PHACTR4: variants seen among roughly 807,000 people sequenced by gnomAD.
PHACTR4 encodes the protein phosphatase and actin regulator 4.
Under a neutral mutation model 72.7 loss-of-function variants are expected in PHACTR4, and 51 were observed. That is an observed-to-expected ratio of 0.70 (90% CI 0.56 to 0.89). PHACTR4 has a LOEUF of 0.89. PHACTR4 is among the 40% of genes least tolerant of loss of function. PHACTR4 has a pLI of 0.00. For missense variants in PHACTR4, 731 were observed against 861.8 expected, an observed-to-expected ratio of 0.85 and a Z score of 1.90; for synonymous variants, 255 against 302.5, an observed-to-expected ratio of 0.84 and a Z score of 1.63.
At chr1:28,440,391 A>ATTTTTTTTTTTTTTTTTTTTTTTTTT (rs1414224976) in intron 2 of PHACTR4, among the ~76,000 whole-genome samples, 1 of 89,966 alleles carries the variant, frequency 1.1e-5, no homozygotes, top group Non-Finnish European at 2.2e-5. Context: ...AAATTCATCA[A>ATTTTTTTTTTTTTTTTTTTTTTTTTT]TTCTTTTTTT....
At chr1:28,442,251 G>A (rs1487517158) in intron 2 of PHACTR4, among the ~76,000 whole-genome samples, 1 of 151,946 alleles carries the variant, frequency 6.6e-6, no homozygotes, top group Non-Finnish European at 1.5e-5. Context: ...TGAATCACGA[G>A]GTCAGGAGAT....
chr1:28,465,547 T>C, intron 4 of PHACTR4, 138 bp from the exon 5 acceptor site: 1 of 846,580 alleles, frequency 1.2e-6, no homozygotes, highest in Non-Finnish European at 1.8e-6. Flanking sequence ...GCCCAGGAGT[T>C]CAAGACCAGC....
At position 28,474,273 on chromosome 1, in the gene PHACTR4, A is replaced by G. The variant is rs899146844; in HGVS notation, c.1421+122A>G. 4 of 931,446 alleles carry G rather than the reference A, an allele frequency of 4.3e-6. No individual in the cohort carries two copies. The East Asian group carries it at 9.7e-5, about 23-fold the overall frequency. 57.7% of individuals were successfully genotyped at this position (931,446 alleles called of 1,614,324 possible). A position where few individuals can be genotyped will look rare whatever the true frequency, so the allele number is the denominator to read the frequency against. On this transcript the variant is annotated intron_variant, in intron 7 of 13. Coordinates refer to ENST00000373839, the MANE Select transcript of PHACTR4 (RefSeq NM_001048183.3). Reference sequence around the variant, plus strand: ...AGTGGCCCACACCTGTAAGCCCAGCACTTTGGGAAGCTGAGGCAAATGGAC... The same window carrying G: ...AGTGGCCCACACCTGTAAGCCCAGCGCTTTGGGAAGCTGAGGCAAATGGAC...
At position 28,406,659 on chromosome 1, in the gene PHACTR4, T is replaced by C. The variant is rs561356716; in HGVS notation, c.-38-751T>C. Reference sequence around the variant, plus strand: ...AGGTTGTGACTTATAAAAAGCAGGCTCTGAATTGGAGTTTAGTATTTAGAC... The same window carrying C: ...AGGTTGTGACTTATAAAAAGCAGGCCCTGAATTGGAGTTTAGTATTTAGAC... On this transcript the variant is annotated intron_variant, in intron 1 of 13. Transcript: ENST00000373839. 3.9e-5 allele frequency among the ~76,000 whole-genome samples: 6 copies of C among 152,264 alleles called. No homozygotes were observed. The East Asian group carries it at 7.7e-4, about 20-fold the overall frequency.
chr1:28,458,504 TCTGAAAACATTTC>T (rs1658570215), intron 2 of PHACTR4, among the ~76,000 whole-genome samples: 2 of 152,114 alleles, frequency 1.3e-5, no homozygotes, highest in Admixed American at 1.3e-4. Context: ...ACCTCTACTT[TCTGAAAACATTTC>T]CCTCCAATTT....
chr1:28,419,305 T>C (rs980964389), intron 2 of PHACTR4, among the ~76,000 whole-genome samples: 3 of 151,944 alleles, frequency 2.0e-5, no homozygotes, highest in African/African-American at 7.2e-5. Context: ...CCATTTGATA[T>C]GTCAAATCTA....
chr1:28,395,682 C>T (rs1388731914), intron 1 of PHACTR4, among the ~76,000 whole-genome samples: 2 of 146,590 alleles, frequency 1.4e-5, no homozygotes, highest in Non-Finnish European at 3.0e-5. Context: ...CTCTGTCGCC[C>T]AGGCTGGAGT....
chr1:28,474,300 G>A (rs1414578510), intron 7 of PHACTR4, 149 bp downstream of exon 7: 12 of 718,718 alleles, frequency 1.7e-5, no homozygotes, highest in South Asian at 7.5e-5. Flanking sequence ...CAAATGGACC[G>A]ATCACCTGAG....
intron 1 of PHACTR4, among the ~76,000 whole-genome samples, chr1:28,380,299 G>A (rs1464229595): frequency 2.0e-5 from 3 of 151,358 alleles, no homozygotes; most frequent in African/African-American, 7.3e-5. Flanking sequence ...CTCGTGATCC[G>A]CCCGCCTCGG....
At chr1:28,491,866 A>C (rs1406515838) in intron 12 of PHACTR4, 79 bp downstream of exon 12, 1 of 1,476,338 alleles carries the variant, frequency 6.8e-7, no homozygotes. Context: ...ACTAACTAGA[A>C]GGGAGAACCA....
intron 6 of PHACTR4, among the ~76,000 whole-genome samples, chr1:28,471,987 G>T (rs1278657056): frequency 6.6e-6 from 1 of 151,924 alleles, no homozygotes; most frequent in African/African-American, 2.4e-5. Context: ...CGAGGCGGGC[G>T]GATCACGAGG....
At chr1:28,473,275 CAAAA>C (rs759485996) in intron 6 of PHACTR4, among the ~76,000 whole-genome samples, 4 of 82,256 alleles carry the variant, frequency 4.9e-5, no homozygotes, top group Non-Finnish European at 4.9e-5. Context: ...GACCCTGTCT[CAAAA>C]AAAAAAAAAA....
At chr1:28,408,403 C>T (rs992457654) in intron 2 of PHACTR4, among the ~76,000 whole-genome samples, 1 of 151,916 alleles carries the variant, frequency 6.6e-6, no homozygotes, top group South Asian at 2.1e-4. Flanking sequence ...ACTAAAAATA[C>T]AAAAATTAGC....
At chr1:28,419,262 G>A (rs1003965821) in intron 2 of PHACTR4, among the ~76,000 whole-genome samples, 1 of 151,646 alleles carries the variant, frequency 6.6e-6, no homozygotes, top group Non-Finnish European at 1.5e-5. Flanking sequence ...AGGATTACAG[G>A]CGTGAGCGAC....
intron 1 of PHACTR4, among the ~76,000 whole-genome samples, chr1:28,385,872 C>T (rs1389329424): frequency 6.6e-6 from 1 of 151,930 alleles, no homozygotes; most frequent in Non-Finnish European, 1.5e-5. Flanking sequence ...TCCTTGGCCT[C>T]CCAAAGTGCT....
At chr1:28,379,416 G>A (rs565464292) in intron 1 of PHACTR4, among the ~76,000 whole-genome samples, 4 of 150,612 alleles carry the variant, frequency 2.7e-5, no homozygotes, top group Non-Finnish European at 5.9e-5. Flanking sequence ...GGGACTATAG[G>A]TGCGGGCCAC....
intron 13 of PHACTR4, among the ~76,000 whole-genome samples, chr1:28,495,875 C>T (rs1453731189): frequency 6.6e-6 from 1 of 151,862 alleles, no homozygotes; most frequent in East Asian, 1.9e-4. Flanking sequence ...CCTTGGCCTC[C>T]CAAAGTGTTG....
chr1:28,417,948 CAAAA>C (rs745690078), intron 2 of PHACTR4, among the ~76,000 whole-genome samples: 4 of 83,492 alleles, frequency 4.8e-5, no homozygotes, highest in Non-Finnish European at 2.5e-5. Flanking sequence ...GGAGACCCTA[CAAAA>C]AAAAAAAAAA....
At chr1:28,405,122 T>C (rs1239110586) in intron 1 of PHACTR4, among the ~76,000 whole-genome samples, 1 of 152,220 alleles carries the variant, frequency 6.6e-6, no homozygotes, top group Non-Finnish European at 1.5e-5. Context: ...GCCTATTGAC[T>C]GTATATCTTC....
Sources: allele counts gnomAD v4.1 joint callset (sites outside exome capture counted in the v4.1 genomes callset), GRCh38; gene constraint gnomAD v4.1.1; transcripts MANE v1.5; gene names NCBI Gene and HGNC (gene_info 2026-07-23, HGNC 2026-07-21).